GXYLT2: variants seen among roughly 807,000 people sequenced by gnomAD.
GXYLT2 encodes glycosyltransferase 8 domain containing 4.
GXYLT2 carries 53 observed loss-of-function variants against 45.8 expected under a neutral mutation model. That is an observed-to-expected ratio of 1.16 (90% confidence interval 0.93 to 1.46). GXYLT2 has a LOEUF of 1.46. GXYLT2 is among the 40% of genes most tolerant of loss of function. The pLI, the probability that GXYLT2 is intolerant of heterozygous loss-of-function variation, is 0.00. For missense variants in GXYLT2, 551 were observed against 544.4 expected (o/e 1.01, Z -0.12); for synonymous variants, 219 against 214.2 (o/e 1.02, Z -0.19).
At chr3:72,939,078 T>G (rs1184768196) in intron 3 of GXYLT2, among the ~76,000 whole-genome samples, 1 of 152,198 alleles carries the variant, frequency 6.6e-6, no homozygotes, top group African/African-American at 2.4e-5. Context: ...AAATAAAAAT[T>G]GATAGGCTTT....
At chr3:72,949,463 C>T (rs1443430908) in intron 3 of GXYLT2, among the ~76,000 whole-genome samples, 4 of 150,082 alleles carry the variant, frequency 2.7e-5, no homozygotes, top group African/African-American at 9.8e-5. Context: ...ATTAAAGCTC[C>T]TGTGAACAGG....
At chr3:72,930,736 G>A (rs555137721) in intron 3 of GXYLT2, among the ~76,000 whole-genome samples, 1 of 151,570 alleles carries the variant, frequency 6.6e-6, no homozygotes, top group South Asian at 2.1e-4. Flanking sequence ...TGGGACTACA[G>A]GTGTGCACCA....
chr3:72,972,659 A>AG (rs1228520164), intron 6 of GXYLT2, among the ~76,000 whole-genome samples: 9 of 150,434 alleles, frequency 6.0e-5, no homozygotes, highest in East Asian at 2.0e-4. Flanking sequence ...AAAAAAAAAA[A>AG]AAGAAGCATA....
intron 5 of GXYLT2, among the ~76,000 whole-genome samples, chr3:72,966,114 G>A (rs1710860484): frequency 6.6e-6 from 1 of 151,982 alleles, no homozygotes; most frequent in Non-Finnish European, 1.5e-5. Flanking sequence ...GAGTAGCTGG[G>A]TTTACAGGCT....
intron 1 of GXYLT2, among the ~76,000 whole-genome samples, chr3:72,893,905 A>C (rs563193774): frequency 6.6e-6 from 1 of 151,860 alleles, no homozygotes; most frequent in Non-Finnish European, 1.5e-5. Context: ...GTCTAAGCCC[A>C]CCATCATGAT....
intron 5 of GXYLT2, 124 bp from the exon 6 acceptor site, chr3:72,967,423 T>A (rs922826063): frequency 2.9e-6 from 2 of 684,440 alleles, no homozygotes; most frequent in Admixed American, 6.7e-5. Context: ...GAGTAAAAAA[T>A]CACACTCCTG....
intron 3 of GXYLT2, among the ~76,000 whole-genome samples, chr3:72,951,386 C>G (rs1331967803): frequency 6.6e-6 from 1 of 152,152 alleles, no homozygotes; most frequent in Non-Finnish European, 1.5e-5. Context: ...CGAATGGTAA[C>G]TAATTATACT....
At chr3:72,971,984 G>A (rs1234586333) in intron 6 of GXYLT2, among the ~76,000 whole-genome samples, 1 of 149,962 alleles carries the variant, frequency 6.7e-6, no homozygotes, top group Non-Finnish European at 1.5e-5. Flanking sequence ...AAGTTGTTTT[G>A]ATGATAACAA....
chr3:72,919,552 T>C (rs1234350345), intron 2 of GXYLT2, among the ~76,000 whole-genome samples: 2 of 152,176 alleles, frequency 1.3e-5, no homozygotes, highest in African/African-American at 4.8e-5. Context: ...GTCGGGAGTT[T>C]GAGACCAGCC....
chr3:72,969,850 A>C (rs1357114780), intron 6 of GXYLT2, among the ~76,000 whole-genome samples: 2 of 142,132 alleles, frequency 1.4e-5, no homozygotes, highest in Admixed American at 7.7e-5. Context: ...GGTAGAAGTG[A>C]GGTAGGGGGT....
At chr3:72,911,124 T>A (rs1483744108) in intron 2 of GXYLT2, among the ~76,000 whole-genome samples, 6 of 152,056 alleles carry the variant, frequency 3.9e-5, no homozygotes. Context: ...AAACCCTGTC[T>A]CTACTAAAAA....
intron 1 of GXYLT2, among the ~76,000 whole-genome samples, chr3:72,892,201 C>G (rs898096659): frequency 6.6e-6 from 1 of 152,196 alleles, no homozygotes; most frequent in Non-Finnish European, 1.5e-5. Context: ...ATGATGAGAT[C>G]ATCAAGTTTA....
At chr3:72,944,915 A>G (rs1376322332) in intron 3 of GXYLT2, among the ~76,000 whole-genome samples, 1 of 152,150 alleles carries the variant, frequency 6.6e-6, no homozygotes, top group East Asian at 1.9e-4. Flanking sequence ...CGTCCCAGAC[A>G]TGCAAGCAAA....
intron 2 of GXYLT2, among the ~76,000 whole-genome samples, chr3:72,916,574 C>G (rs1047766007): frequency 2.8e-4 from 43 of 152,102 alleles, no homozygotes; most frequent in African/African-American, 9.9e-4. Context: ...GAGTCTCGCT[C>G]TGTTGCCCAG....
chr3:72,952,535 A>G (rs906279326), intron 3 of GXYLT2, among the ~76,000 whole-genome samples: 2 of 152,202 alleles, frequency 1.3e-5, no homozygotes, highest in Admixed American at 1.3e-4. Flanking sequence ...ATGTTATACT[A>G]GTCTGCTTGG....
chr3:72,909,743 G>A (rs993269243), intron 2 of GXYLT2, among the ~76,000 whole-genome samples: 1 of 152,198 alleles, frequency 6.6e-6, no homozygotes, highest in African/African-American at 2.4e-5. Flanking sequence ...GACCTTTGCA[G>A]ATCAAGCTTT....
chr3:72,890,831 G>C (rs1040957977), intron 1 of GXYLT2, among the ~76,000 whole-genome samples: 3 of 152,076 alleles, frequency 2.0e-5, no homozygotes, highest in African/African-American at 7.2e-5. Context: ...ATATCTCTTA[G>C]ATTATCGTGG....
intron 3 of GXYLT2, among the ~76,000 whole-genome samples, chr3:72,939,634 T>C (rs1710261844): frequency 6.6e-6 from 1 of 151,968 alleles, no homozygotes; most frequent in Non-Finnish European, 1.5e-5. Flanking sequence ...AAGTAGACAA[T>C]TAGAAAGTAT....
chr3:72,964,137 G>A (rs1394385909), intron 5 of GXYLT2, among the ~76,000 whole-genome samples: 5 of 151,874 alleles, frequency 3.3e-5, no homozygotes, highest in South Asian at 2.1e-4. Flanking sequence ...CTGTTAAATC[G>A]AGGTGAAATG....
Sources: gnomAD v4.1 joint callset for allele counts (sites outside exome capture counted in the v4.1 genomes callset) on GRCh38, gnomAD v4.1.1 for gene constraint, MANE v1.5 for transcripts, NCBI Gene and HGNC (gene_info 2026-07-23, HGNC 2026-07-21) for gene names.